The following MYO5B variants were observed in gnomAD, a reference collection of about 807,000 sequenced individuals.
MYO5B encodes the protein myosin VB.
Under a neutral mutation model 229.3 loss-of-function variants are expected in MYO5B, and 143 were observed. That is an observed-to-expected ratio of 0.62 (90% CI 0.54 to 0.72). The LOEUF (loss-of-function observed/expected upper bound fraction) is 0.72, where lower values mean the gene tolerates loss of function less well. Among genes scored for constraint, MYO5B ranks in the 30% least tolerant of loss-of-function variants. The pLI, the probability that MYO5B is intolerant of heterozygous loss-of-function variation, is 0.00. For synonymous variants in MYO5B, 918 were observed against 885.2 expected (o/e 1.04, Z -0.66); for missense variants, 2,321 against 2,331.0 (o/e 1.00, Z 0.09).
chr18:50,116,694 C>T (rs78515262), intron 1 of MYO5B, among the ~76,000 whole-genome samples: 168 of 151,972 alleles, frequency 1.1e-3, no homozygotes, highest in African/African-American at 3.7e-3. Flanking sequence ...CTGGATCAGC[C>T]GCATAGCTTC....
At chr18:50,119,107 AC>A (rs1275789362) in intron 1 of MYO5B, among the ~76,000 whole-genome samples, 1 of 152,198 alleles carries the variant, frequency 6.6e-6, no homozygotes, top group Non-Finnish European at 1.5e-5. Flanking sequence ...AGAAAGAGAT[AC>A]CTGGATTCTG....
At chr18:49,833,031 A>G (rs1274142750) in intron 39 of MYO5B, among the ~76,000 whole-genome samples, 1 of 152,160 alleles carries the variant, frequency 6.6e-6, no homozygotes, top group Non-Finnish European at 1.5e-5. Flanking sequence ...TGTAGCACTT[A>G]AGGGCCCTTG....
At chr18:49,891,152 T>C (rs1213278900) in intron 22 of MYO5B, among the ~76,000 whole-genome samples, 1 of 152,140 alleles carries the variant, frequency 6.6e-6, no homozygotes, top group East Asian at 1.9e-4. Context: ...GAGCACCTCA[T>C]TGGTCCTCAC....
At chr18:49,972,337 G>A (rs760011295) in intron 10 of MYO5B, among the ~76,000 whole-genome samples, 11 of 152,076 alleles carry the variant, frequency 7.2e-5, no homozygotes, top group Non-Finnish European at 1.6e-4. Flanking sequence ...GCAGCCCCAC[G>A]AGCCCAGCTC....
intron 3 of MYO5B, among the ~76,000 whole-genome samples, chr18:50,037,384 G>A (rs2026461047): frequency 6.6e-6 from 1 of 152,156 alleles, no homozygotes; most frequent in African/African-American, 2.4e-5. Context: ...ATCTGGGAAA[G>A]GATTATACAT....
At chr18:50,089,535 T>G (rs765100393) in intron 1 of MYO5B, among the ~76,000 whole-genome samples, 3 of 148,748 alleles carry the variant, frequency 2.0e-5, no homozygotes, top group Admixed American at 2.0e-4. Context: ...CCCAAGAGTT[T>G]GAGACCAGCC....
chr18:49,975,170 T>C (rs532055092), intron 9 of MYO5B, among the ~76,000 whole-genome samples: 5 of 152,342 alleles, frequency 3.3e-5, no homozygotes, highest in Admixed American at 6.5e-5. Flanking sequence ...CTTACAGGCA[T>C]TGCCTTTGAC....
intron 1 of MYO5B, among the ~76,000 whole-genome samples, chr18:50,153,185 G>A (rs1212702574): frequency 4.6e-5 from 7 of 152,164 alleles, no homozygotes; most frequent in Middle Eastern, 3.4e-3. Flanking sequence ...TGGCACGTTC[G>A]TACTATATAC....
intron 4 of MYO5B, 48 bp from the exon 5 acceptor site, chr18:50,001,459 G>A (rs1207506265): frequency 1.9e-6 from 3 of 1,607,002 alleles, no homozygotes; most frequent in East Asian, 2.2e-5. Context: ...GAAAGGCTCT[G>A]CTACCGTCCA....
chr18:50,172,939 G>A (rs954242070), intron 1 of MYO5B, among the ~76,000 whole-genome samples: 1 of 152,210 alleles, frequency 6.6e-6, no homozygotes. Context: ...GCACTGAGGT[G>A]GCCAGACACC....
At chr18:49,888,420 G>A (rs2144120329) in intron 22 of MYO5B, among the ~76,000 whole-genome samples, 1 of 152,270 alleles carries the variant, frequency 6.6e-6, no homozygotes, top group East Asian at 1.9e-4. Flanking sequence ...AAGAGGTGGG[G>A]GTCATCTGGA....
At chr18:50,178,713 A>C (rs2033030920) in intron 1 of MYO5B, among the ~76,000 whole-genome samples, 1 of 152,184 alleles carries the variant, frequency 6.6e-6, no homozygotes, top group Admixed American at 6.5e-5. Context: ...TTTGGCCAGC[A>C]TTTAGGCAGT....
chr18:50,100,065 A>G (rs1445873941), intron 1 of MYO5B, among the ~76,000 whole-genome samples: 3 of 152,214 alleles, frequency 2.0e-5, no homozygotes, highest in African/African-American at 7.2e-5. Context: ...CACAGCCAAG[A>G]TATTTCAGCA....
intron 9 of MYO5B, among the ~76,000 whole-genome samples, chr18:49,979,048 A>G (rs1473770785): frequency 2.6e-5 from 4 of 152,144 alleles, no homozygotes; most frequent in Admixed American, 6.5e-5. Flanking sequence ...ACACTGGGAC[A>G]ATACATCACT....
At position 49,843,263 on chromosome 18, in the gene MYO5B, T is replaced by C. The variant is rs768586629; in HGVS notation, c.4589A>G (p.Asn1530Ser). 1.9e-6 allele frequency: 3 copies of C among 1,614,134 alleles called. No individual in the cohort carries two copies. Among genetic ancestry groups the C allele is most frequent in the Admixed American group, 3.3e-5 (2 of 60,026 alleles). ...TACTTTCAGGACTTTCTTAATGCCG[T>C]TGATGGTGGAGGTCAGCAGGGAGTG... is the stretch of plus-strand genomic sequence containing the variant. ...KVHSLLTSTI[N>S]GIKKVLKKHN... Residue 1530 changes from asparagine to serine, a missense_variant, in exon 34 of 40, where the codon AAC becomes AGC. Around this residue, in one of 2 missense-constraint regions of MYO5B, gnomAD observed 2,113 missense variants for 2,044.7 expected, o/e 1.03. Coordinates refer to ENST00000285039, the MANE Select transcript of MYO5B (RefSeq NM_001080467.3).
intron 4 of MYO5B, among the ~76,000 whole-genome samples, chr18:50,012,484 T>C (rs1371722022): frequency 6.6e-6 from 1 of 152,254 alleles, no homozygotes; most frequent in Non-Finnish European, 1.5e-5. Flanking sequence ...ATACAGACAG[T>C]TTCCTCATTA....
chr18:50,162,883 C>A (rs1211717318), intron 1 of MYO5B, among the ~76,000 whole-genome samples: 1 of 152,212 alleles, frequency 6.6e-6, no homozygotes, highest in Non-Finnish European at 1.5e-5. Context: ...CATTCCAGCC[C>A]TGTCACAGCG....
At chr18:50,060,734 C>T (rs928693987) in intron 1 of MYO5B, among the ~76,000 whole-genome samples, 1 of 152,152 alleles carries the variant, frequency 6.6e-6, no homozygotes, top group Non-Finnish European at 1.5e-5. Flanking sequence ...CTCCTACATA[C>T]ACAGCTGGAG....
chr18:50,085,527 A>G (rs1198262058), intron 1 of MYO5B, among the ~76,000 whole-genome samples: 4 of 152,016 alleles, frequency 2.6e-5, no homozygotes, highest in Non-Finnish European at 5.9e-5. Flanking sequence ...GGGATCTAGA[A>G]CTAGAAATAC....
Sources: allele counts gnomAD v4.1 joint callset (sites outside exome capture counted in the v4.1 genomes callset), GRCh38; gene constraint gnomAD v4.1.1; regional missense constraint gnomAD v4.1.1; transcripts MANE v1.5; gene names NCBI Gene and HGNC (gene_info 2026-07-23, HGNC 2026-07-21).